The following PVALB variants were observed in gnomAD, a reference collection of about 807,000 sequenced individuals.
PVALB encodes parvalbumin alpha.
In PVALB, 11 loss-of-function variants were observed where a neutral mutation model predicts 10.9. The ratio of observed to expected loss-of-function variants is 1.01; its 90% CI spans 0.63 to 1.67. PVALB has a LOEUF of 1.67. PVALB is among the 40% of genes most tolerant of loss of function. The probability of loss-of-function intolerance (pLI) is 0.00; values close to 1 mark genes in which losing one functional copy is unlikely to be tolerated. For missense variants in PVALB, 131 were observed against 136.2 expected (o/e 0.96, Z 0.19); for synonymous variants, 57 against 50.7 (o/e 1.12, Z -0.53).
At chr22:36,808,322 T>A (rs1210293308) in intron 3 of PVALB, among the ~76,000 whole-genome samples, 1 of 152,180 alleles carries the variant, frequency 6.6e-6, no homozygotes, top group Non-Finnish European at 1.5e-5. Context: ...TAACCTCGAT[T>A]CCTGTTGGTC....
intron 3 of PVALB, among the ~76,000 whole-genome samples, chr22:36,804,107 T>C (rs1164108378): frequency 6.6e-6 from 1 of 152,126 alleles, no homozygotes; most frequent in Non-Finnish European, 1.5e-5. Context: ...CATGGAGAGA[T>C]TGTCAAGAGG....
In PVALB at chr22:36,814,944, T is replaced by C. The variant is rs148983642; in HGVS notation, c.194+159A>G. 3.5e-3 allele frequency among the ~76,000 whole-genome samples: 538 copies of C among 152,314 alleles called. 11 individuals are homozygous for C. Among genetic ancestry groups the C allele is most frequent in the Admixed American group, 0.028 (421 of 15,308 alleles). On this transcript the variant is annotated intron_variant, in intron 2 of 3. Coordinates refer to ENST00000417718, the MANE Select transcript of PVALB (RefSeq NM_001315532.2). ...AATAGCACCAGGAAGCCTTCTCCCC[T>C]GGTGCCCTGGGTCGGAGCCCTGCCT...
chr22:36,814,684 T>C (rs1939108289), intron 2 of PVALB, among the ~76,000 whole-genome samples: 1 of 152,170 alleles, frequency 6.6e-6, no homozygotes, highest in South Asian at 2.1e-4. Flanking sequence ...CCAGCCACAC[T>C]AGTACCAGAG....
At chr22:36,817,606 GCAGGGA>G (rs1174732598), upstream of PVALB, 6 of 155,208 alleles carry the variant, frequency 3.9e-5, no homozygotes, top group East Asian at 1.8e-4. Context: ...GGAGGAGGTG[GCAGGGA>G]CAGGGACAGG....
chr22:36,800,836 C>T lies in PVALB; in HGVS notation c.*54G>A, dbSNP rs9607383. The T allele has an allele frequency of 1.6e-5, 25 of 1,552,054 alleles. No homozygotes were observed. The highest frequency in any genetic ancestry group is 2.2e-5 in the South Asian group (2 of 89,764). ...AATGCAGGAGGGTGGCGAGAGGGGC[C>T]GAGATTGGGTGTTCAGGGCAGAGAG... On this transcript the variant is annotated 3_prime_UTR_variant, in exon 4 of 4. Coordinates refer to ENST00000417718, the MANE Select transcript of PVALB (RefSeq NM_001315532.2).
At chr22:36,803,343 A>G (rs777086860) in intron 3 of PVALB, among the ~76,000 whole-genome samples, 3 of 151,894 alleles carry the variant, frequency 2.0e-5, no homozygotes, top group Non-Finnish European at 4.4e-5. Flanking sequence ...AGTCCTTGGC[A>G]CTCTCTGAAA....
At chr22:36,817,056 T>C, upstream of PVALB, 1 of 1,545,464 alleles carries the variant, frequency 6.5e-7, no homozygotes, top group Non-Finnish European at 8.8e-7. Context: ...TAAAAAGTGC[T>C]TTTCTCATCA....
intron 3 of PVALB, among the ~76,000 whole-genome samples, chr22:36,807,918 G>GT (rs1938981107): frequency 1.3e-5 from 2 of 152,228 alleles, no homozygotes; most frequent in Admixed American, 1.3e-4. Flanking sequence ...GTGGCAAGGG[G>GT]TGGGGGGGTT....
chr22:36,804,858 C>A (rs142292028), intron 3 of PVALB, among the ~76,000 whole-genome samples: 1 of 152,104 alleles, frequency 6.6e-6, no homozygotes, highest in Admixed American at 6.6e-5. Flanking sequence ...AGCTTGAACC[C>A]GGGAGGTGGA....
chr22:36,816,855 G>T (rs1255801452), intron 1 of PVALB, 90 bp downstream of exon 1: 1 of 1,187,168 alleles, frequency 8.4e-7, no homozygotes, highest in Admixed American at 2.6e-5. Context: ...GCGCGCTGGG[G>T]AGGATCCGCC....
Position 36,815,126 on chromosome 22 carries a change from G to A in PVALB, c.171C>T (p.Gly57=), listed in dbSNP as rs745330378. The change falls in exon 2 of 4, where the codon GGC becomes GGT. Residue 57 remains glycine (G), a synonymous_variant. Transcript: ENST00000417718. ...ACCCCAGCTCATCCTCCTCGATGAA[G>A]CCACTTTTGTCCTTGTCCAGCATGT... ...VFHMLDKDKS[G]FIEEDELGFI... is the part of the protein sequence containing the mutation. The A allele has an allele frequency of 4.1e-5, 66 of 1,614,026 alleles. 4 individuals carry two copies. In the South Asian group the frequency reaches 6.6e-4, roughly 16 times the overall value.
intron 3 of PVALB, among the ~76,000 whole-genome samples, chr22:36,802,598 T>TCACA (rs747492230): frequency 6.8e-5 from 5 of 73,758 alleles, no homozygotes; most frequent in East Asian, 9.4e-4. Flanking sequence ...AGACTCCATC[T>TCACA]CACACAAAAA....
At chr22:36,808,638 G>A (rs1368367837) in intron 3 of PVALB, among the ~76,000 whole-genome samples, 1 of 152,188 alleles carries the variant, frequency 6.6e-6, no homozygotes, top group Non-Finnish European at 1.5e-5. Context: ...TCCACCTAAG[G>A]AATCAGAAAC....
intron 3 of PVALB, among the ~76,000 whole-genome samples, chr22:36,807,201 C>T (rs1421991866): frequency 1.3e-5 from 2 of 152,164 alleles, no homozygotes; most frequent in South Asian, 2.1e-4. Flanking sequence ...TCAGGAGACC[C>T]GGGTCCCGTT....
At position 36,816,935 on chromosome 22, in the gene PVALB, G is replaced by C. The variant is rs1939149569; in HGVS notation, c.61+10C>G. 6.3e-7 allele frequency: 1 copy of C among 1,599,574 alleles called. No homozygotes were observed. The highest frequency in any genetic ancestry group is 1.7e-5 in the Admixed American group (1 of 59,264). On this transcript the variant is annotated intron_variant, in intron 1 of 3. Transcript: ENST00000417718. ...GGGAGAGGGATGGGGAGGGGAGCGC[G>C]CTTGCTCACCGCTAAAGGCTCCCAC...
intron 3 of PVALB, among the ~76,000 whole-genome samples, chr22:36,805,029 T>C (rs1368136375): frequency 6.6e-6 from 1 of 152,180 alleles, no homozygotes; most frequent in African/African-American, 2.4e-5. Flanking sequence ...GATCCCAGGA[T>C]GGGGAATGTA....
At chr22:36,810,594 C>T (rs901474158) in intron 3 of PVALB, among the ~76,000 whole-genome samples, 4 of 152,164 alleles carry the variant, frequency 2.6e-5, no homozygotes, top group African/African-American at 9.7e-5. Context: ...TGAATCCTGG[C>T]CCTGACACTT....
At chr22:36,814,116 A>C (rs1939092327) in intron 2 of PVALB, among the ~76,000 whole-genome samples, 3 of 152,170 alleles carry the variant, frequency 2.0e-5, no homozygotes, top group Non-Finnish European at 2.9e-5. Context: ...AAAAATAAGG[A>C]GGTCACGGGC....
At chr22:36,814,650 T>C (rs1363172936) in intron 2 of PVALB, among the ~76,000 whole-genome samples, 1 of 152,082 alleles carries the variant, frequency 6.6e-6, no homozygotes, top group Non-Finnish European at 1.5e-5. Flanking sequence ...TGGTTCTGCA[T>C]CCCTGGCTTG....
Sources: gnomAD v4.1 joint callset for allele counts (sites outside exome capture counted in the v4.1 genomes callset) on GRCh38, gnomAD v4.1.1 for gene constraint, MANE v1.5 for transcripts, NCBI Gene and HGNC (gene_info 2026-07-23, HGNC 2026-07-21) for gene names.